PRIM2: variants seen among roughly 807,000 people sequenced by gnomAD.
PRIM2 encodes DNA primase subunit 2.
PRIM2 carries 39 observed loss-of-function variants against 67.3 expected under a neutral mutation model. The ratio of observed to expected loss-of-function variants is 0.58; its 90% CI spans 0.45 to 0.76. The LOEUF is 0.76. Ranked by LOEUF, PRIM2 falls within the 30% of genes least tolerant of loss-of-function variation. The pLI is 0.00. For synonymous variants in PRIM2, 143 were observed against 198.7 expected (o/e 0.72, Z 2.36); for missense variants, 398 against 598.7 (o/e 0.66, Z 3.50).
At chr6:57,234,259 T>TTATA in the PRIM2 span, among the ~76,000 whole-genome samples, 1 of 152,170 alleles carries the variant, frequency 6.6e-6, no homozygotes, top group East Asian at 1.9e-4. Context: ...AGATGTGTAG[T>TTATA]TATATTTTTC....
At chr6:57,260,656 G>T in the PRIM2 span, among the ~76,000 whole-genome samples, 2 of 152,104 alleles carry the variant, frequency 1.3e-5, no homozygotes, top group Non-Finnish European at 2.9e-5. Context: ...AGATTCCAGG[G>T]ACTCTGGGCA....
At chr6:57,593,953 A>G (rs1776324067) in intron 10 of PRIM2, among the ~76,000 whole-genome samples, 1 of 152,220 alleles carries the variant, frequency 6.6e-6, no homozygotes, top group South Asian at 2.1e-4. Context: ...ATTTTAACAG[A>G]ATAGCTTACC....
chr6:57,646,041 T>G lies in PRIM2; in HGVS notation c.1413T>G (p.Pro471=), dbSNP rs1253624215. 592 of 1,604,442 alleles carry G rather than the reference T, an allele frequency of 3.7e-4. 5 individuals are homozygous for G. The African/African-American group carries it at 7.2e-3, about 20-fold the overall frequency. ...IKKEPIQPET[P]QPKPSVQKTK... is the part of the protein sequence containing the mutation. The stretch of plus-strand genomic sequence containing the variant: ...AGGAACCTATCCAACCAGAAACTCC[T>G]CAACCCAAACCAAGTGTCCAGAAAA... Residue 471 remains proline (P), a synonymous_variant, in exon 14 of 14, where the codon CCT becomes CCG. Transcript: ENST00000615550.
chr6:57,320,880 C>T lies in PRIM2; in HGVS notation c.258+320C>T, dbSNP rs117498813. ...ATTTCCAGACATGCCAAATGTATCC[C>T]GTGCAATACAGGATGATGACTGTGT... On this transcript the variant is annotated intron_variant, in intron 3 of 13. Coordinates refer to ENST00000615550, the MANE Select transcript of PRIM2 (RefSeq NM_000947.5). Among the ~76,000 whole-genome samples, 196 of 152,252 alleles carry T rather than the reference C, an allele frequency of 1.3e-3. 4 individuals carry two copies. In the East Asian group the frequency reaches 0.017, roughly 13 times the overall value.
At chr6:57,579,928 G>A (rs1235985439) in intron 10 of PRIM2, among the ~76,000 whole-genome samples, 9 of 152,030 alleles carry the variant, frequency 5.9e-5, no homozygotes, top group African/African-American at 1.9e-4. Context: ...GTGATAAAAG[G>A]TATAGTCTAC....
Position 57,365,701 on chromosome 6 carries a change from T to G in PRIM2, c.460-14200T>G, listed in dbSNP as rs911354016. ...TAGGCTGTGTGCGGTAGCTCGCGCC[T>G]GTGATCCCAGCACTTTGGGAGGCCA... is the stretch of plus-strand genomic sequence containing the variant. On this transcript the variant is annotated intron_variant, in intron 5 of 13. Transcript: ENST00000615550. Among the ~76,000 whole-genome samples the G allele has an allele frequency of 6.6e-5, 10 of 152,138 alleles. 1 individual carries two copies. The highest frequency in any genetic ancestry group is 5.9e-4 in the Admixed American group (9 of 15,280).
At chr6:57,389,220 T>C (rs1176714697) in intron 7 of PRIM2, among the ~76,000 whole-genome samples, 1 of 152,202 alleles carries the variant, frequency 6.6e-6, no homozygotes, top group Non-Finnish European at 1.5e-5. Context: ...TCCGCCTGCC[T>C]TAGCCTCCTA....
chr6:57,262,445 C>A, the PRIM2 span, among the ~76,000 whole-genome samples: 1 of 152,330 alleles, frequency 6.6e-6, no homozygotes, highest in African/African-American at 2.4e-5. Flanking sequence ...CCCTTGCTCA[C>A]CAGTCGTTCT....
chr6:57,502,954 C>T (rs1554347005), intron 7 of PRIM2, among the ~76,000 whole-genome samples: 3 of 152,076 alleles, frequency 2.0e-5, no homozygotes, highest in Non-Finnish European at 4.4e-5. Flanking sequence ...AAGAGAAACG[C>T]GTATGACTCC....
At chr6:57,294,840 C>T in the PRIM2 span, among the ~76,000 whole-genome samples, 1 of 150,274 alleles carries the variant, frequency 6.7e-6, no homozygotes, top group African/African-American at 2.5e-5. Flanking sequence ...GACACAGTCT[C>T]ACTCTGTCAC....
the PRIM2 span, among the ~76,000 whole-genome samples, chr6:57,237,571 C>G: frequency 6.6e-6 from 1 of 152,108 alleles, no homozygotes; most frequent in Non-Finnish European, 1.5e-5. Flanking sequence ...AGTCTTTAAT[C>G]CACTTTGAAT....
chr6:57,448,289 GAAAATGGAATATTCCTTT>G (rs1319201886), intron 7 of PRIM2, among the ~76,000 whole-genome samples: 1 of 152,020 alleles, frequency 6.6e-6, no homozygotes, highest in East Asian at 1.9e-4. Flanking sequence ...GTAATGTAAT[GAAAATGGAATATTCCTTT>G]AAAGTTTGTA....
chr6:57,429,548 G>GC (rs549064572), intron 7 of PRIM2, among the ~76,000 whole-genome samples: 4,056 of 152,180 alleles, frequency 0.027, 160 homozygotes, highest in African/African-American at 0.092. Flanking sequence ...CTGAATTGTG[G>GC]CCCCCCAACA....
chr6:57,580,719 A>G (rs1776066778), intron 10 of PRIM2, among the ~76,000 whole-genome samples: 2 of 152,178 alleles, frequency 1.3e-5, no homozygotes, highest in Admixed American at 1.3e-4. Flanking sequence ...AACCTGCTTT[A>G]GGGGAGAAGG....
chr6:57,318,403 A>T, intron 1 of PRIM2, 34 bp from the exon 2 acceptor site: 1 of 1,518,296 alleles, frequency 6.6e-7, no homozygotes, highest in Non-Finnish European at 8.8e-7. Context: ...TTTGTTTTCC[A>T]TCATTTTACG....
intron 7 of PRIM2, among the ~76,000 whole-genome samples, chr6:57,446,418 C>CTTTTTTTTTGTTTTTTTTTT (rs1772367267): frequency 1.2e-5 from 1 of 83,814 alleles, no homozygotes; most frequent in East Asian, 3.4e-4. Flanking sequence ...CACGCCACTT[C>CTTTTTTTTTGTTTTTTTTTT]TTTTTTTTTT....
chr6:57,409,179 CT>C (rs71299588), intron 7 of PRIM2, among the ~76,000 whole-genome samples: 114 of 143,604 alleles, frequency 7.9e-4, no homozygotes, highest in Admixed American at 1.1e-3. Flanking sequence ...TGGATAAATA[CT>C]TTTTTTTTTT....
At chr6:57,542,255 C>T (rs1479713735) in intron 10 of PRIM2, among the ~76,000 whole-genome samples, 12 of 152,282 alleles carry the variant, frequency 7.9e-5, no homozygotes, top group Non-Finnish European at 5.9e-5. Context: ...GGATTACAAG[C>T]GTGAGCTACT....
At chr6:57,343,155 G>C (rs560474013) in intron 5 of PRIM2, among the ~76,000 whole-genome samples, 115 of 152,272 alleles carry the variant, frequency 7.6e-4, no homozygotes, top group African/African-American at 2.6e-3. Context: ...TTGGTATTCT[G>C]TCTTGATTTC....
Sources: gnomAD v4.1 joint callset for allele counts (sites outside exome capture counted in the v4.1 genomes callset) on GRCh38, gnomAD v4.1.1 for gene constraint, MANE v1.5 for transcripts, NCBI Gene and HGNC (gene_info 2026-07-23, HGNC 2026-07-21) for gene names.